The following TTC28 variants were observed in gnomAD, a reference collection of about 807,000 sequenced individuals.
TTC28 encodes tetratricopeptide repeat domain 28, also known as tetratricopeptide repeat protein 28.
In TTC28, 61 loss-of-function variants were observed where a neutral mutation model predicts 198.0. The observed-to-expected ratio is 0.31, with a 90% confidence interval of 0.25 to 0.38. The LOEUF (loss-of-function observed/expected upper bound fraction) is 0.38, where lower values mean the gene tolerates loss of function less well. TTC28 is among the 10% of genes least tolerant of loss of function. The pLI is 1.00. For missense variants in TTC28, 2,678 were observed against 3,164.0 expected (o/e 0.85, Z 3.69); for synonymous variants, 1,171 against 1,297.8 (o/e 0.90, Z 2.10).
chr22:28,450,248 GA>G (rs1367588168), intron 2 of TTC28, among the ~76,000 whole-genome samples: 3 of 152,036 alleles, frequency 2.0e-5, no homozygotes, highest in Non-Finnish European at 4.4e-5. Flanking sequence ...TAAAAGGAGA[GA>G]AAAAGAGAGA....
chr22:28,483,576 C>T (rs2048280308), intron 2 of TTC28, among the ~76,000 whole-genome samples: 1 of 152,044 alleles, frequency 6.6e-6, no homozygotes, highest in Admixed American at 6.5e-5. Flanking sequence ...CATAAAGATC[C>T]TTGCTATTTA....
intron 1 of TTC28, among the ~76,000 whole-genome samples, chr22:28,637,645 A>T (rs2051297530): frequency 6.6e-6 from 1 of 152,208 alleles, no homozygotes; most frequent in Admixed American, 6.5e-5. Flanking sequence ...TGGCAATAGT[A>T]AGTCCTTACC....
chr22:28,053,871 TC>T (rs1308120619), intron 12 of TTC28, among the ~76,000 whole-genome samples: 1 of 152,204 alleles, frequency 6.6e-6, no homozygotes, highest in African/African-American at 2.4e-5. Context: ...TTCATTGGTA[TC>T]CTTTAGAGCA....
chr22:28,499,289 GA>G (rs2048501670), intron 2 of TTC28, among the ~76,000 whole-genome samples: 1 of 152,140 alleles, frequency 6.6e-6, no homozygotes, highest in South Asian at 2.1e-4. Flanking sequence ...AGAAATTTCA[GA>G]ATGTTTCAAC....
chr22:28,358,163 T>C (rs2046106197), intron 2 of TTC28, among the ~76,000 whole-genome samples: 1 of 152,208 alleles, frequency 6.6e-6, no homozygotes, highest in African/African-American at 2.4e-5. Flanking sequence ...ATAATCTCCC[T>C]GAAAGCAAGA....
At chr22:28,235,834 T>C (rs1015320727) in intron 5 of TTC28, among the ~76,000 whole-genome samples, 4 of 152,368 alleles carry the variant, frequency 2.6e-5, no homozygotes, top group Admixed American at 1.3e-4. Context: ...GTAACTGTTC[T>C]ATTGTTAACT....
At chr22:28,355,428 C>T (rs575949867) in intron 2 of TTC28, among the ~76,000 whole-genome samples, 46 of 152,094 alleles carry the variant, frequency 3.0e-4, no homozygotes, top group Non-Finnish European at 5.0e-4. Context: ...ACAATACTTA[C>T]CTTTTTAAAA....
intron 2 of TTC28, among the ~76,000 whole-genome samples, chr22:28,409,172 C>G (rs996121716): frequency 3.3e-5 from 5 of 152,140 alleles, no homozygotes; most frequent in African/African-American, 1.2e-4. Flanking sequence ...TTCTTAAATA[C>G]TACAGTTCTT....
chr22:28,591,008 AACACACACACACACAC>A (rs55694132), intron 2 of TTC28, among the ~76,000 whole-genome samples: 2 of 55,108 alleles, frequency 3.6e-5, no homozygotes, highest in African/African-American at 1.4e-4. Flanking sequence ...CTCTGCCTCA[AACACACACACACACAC>A]ACACACACAC....
chr22:28,032,259 A>G (rs1939156484), intron 12 of TTC28, among the ~76,000 whole-genome samples: 3 of 88,990 alleles, frequency 3.4e-5, no homozygotes, highest in African/African-American at 1.6e-4. Context: ...AAATATATAT[A>G]TATATATAGT....
chr22:28,205,893 C>G (rs1301764511), intron 5 of TTC28, among the ~76,000 whole-genome samples: 1 of 151,842 alleles, frequency 6.6e-6, no homozygotes, highest in African/African-American at 2.4e-5. Context: ...TTTCCACCAC[C>G]CCTCCACAAC....
Position 28,470,856 on chromosome 22 carries a change from GAGA to G in TTC28, c.381+158693_381+158695del, listed in dbSNP as rs143568044. Among the ~76,000 whole-genome samples the G allele has an allele frequency of 7.7e-3, 1,171 of 152,288 alleles. 23 individuals are homozygous for G. Among genetic ancestry groups the G allele is most frequent in the African/African-American group, 0.026 (1,082 of 41,552 alleles). On this transcript the variant is annotated intron_variant, in intron 2 of 22. Transcript: ENST00000397906. Reference sequence around the variant, plus strand: ...ACAACACAAGAGAAGTGAGTACTAAGAGAAGGTTAGACTCGAAATGTGGAGATG... The same window carrying G: ...ACAACACAAGAGAAGTGAGTACTAAGAGGTTAGACTCGAAATGTGGAGATG...
chr22:28,305,531 T>C (rs1322620587), intron 3 of TTC28, among the ~76,000 whole-genome samples: 4 of 152,154 alleles, frequency 2.6e-5, no homozygotes, highest in African/African-American at 7.2e-5. Flanking sequence ...ATATTAAAAA[T>C]ATCTAAGGCT....
intron 5 of TTC28, among the ~76,000 whole-genome samples, chr22:28,272,528 G>A (rs565743349): frequency 6.6e-6 from 1 of 152,128 alleles, no homozygotes; most frequent in South Asian, 2.1e-4. Context: ...TCCAAAAGGT[G>A]TAATTCTAAA....
rs1393040921 is a variant in TTC28, at chr22:28,037,565, T to C, written c.3933-7199A>G. On this transcript the variant is annotated intron_variant, in intron 12 of 22. Transcript: ENST00000397906. ...GACAAACCCACAGCCAATATCATAC[T>C]GAATGGCCAAAAACTGGAAGCATTC... is the stretch of plus-strand genomic sequence containing the variant. 3.9e-5 allele frequency among the ~76,000 whole-genome samples: 6 copies of C among 152,344 alleles called. No individual in the cohort carries two copies. The South Asian group carries it at 1.2e-3, about 32-fold the overall frequency.
At position 27,983,157 on chromosome 22, in the gene TTC28, T is replaced by G; in HGVS notation, c.6510A>C (p.Thr2170=). The stretch of plus-strand genomic sequence containing the variant: ...GCTCCACCGCAATGAGATGACTCTG[T>G]GTCTCCTCCAGAATTTTCTGGGCTA... The part of the protein sequence containing the change: ...QELAQKILEE[T]QSHLIAVERL... The change falls in exon 23 of 23, where the codon ACA becomes ACC. Residue 2170 remains threonine, a synonymous_variant. Coordinates refer to ENST00000397906, the MANE Select transcript of TTC28 (RefSeq NM_001145418.2). 8 of 1,551,864 alleles carry G rather than the reference T, an allele frequency of 5.2e-6. No individual in the cohort carries two copies. The highest frequency in any genetic ancestry group is 6.1e-6 in the Non-Finnish European group (7 of 1,147,028).
chr22:28,104,214 A>C (rs1942234704), intron 8 of TTC28, among the ~76,000 whole-genome samples: 1 of 152,180 alleles, frequency 6.6e-6, no homozygotes, highest in South Asian at 2.1e-4. Flanking sequence ...AAAGTTAGAA[A>C]CAACTTCAGA....
At chr22:28,254,492 C>CAAA (rs5844806) in intron 5 of TTC28, among the ~76,000 whole-genome samples, 3 of 135,446 alleles carry the variant, frequency 2.2e-5, no homozygotes, top group African/African-American at 5.7e-5. Flanking sequence ...CTTAATGGTG[C>CAAA]AAAAAAAAAA....
At chr22:28,188,567 A>G (rs944360002) in intron 5 of TTC28, among the ~76,000 whole-genome samples, 1 of 152,172 alleles carries the variant, frequency 6.6e-6, no homozygotes, top group Non-Finnish European at 1.5e-5. Flanking sequence ...GGGGGCCAAG[A>G]TGGGGGCCTA....
Sources: allele counts gnomAD v4.1 joint callset (sites outside exome capture counted in the v4.1 genomes callset), GRCh38; gene constraint gnomAD v4.1.1; transcripts MANE v1.5; gene names NCBI Gene and HGNC (gene_info 2026-07-23, HGNC 2026-07-21).